SYNE2: variants seen among roughly 807,000 people sequenced by gnomAD.
SYNE2 encodes the protein spectrin repeat containing nuclear envelope protein 2, also known as nesprin-2.
A neutral mutation model predicts 856.3 loss-of-function variants in SYNE2; 431 were observed. That is an observed-to-expected ratio of 0.50 (90% confidence interval 0.47 to 0.55). The LOEUF is 0.55. Ranked by LOEUF, SYNE2 falls within the 20% of genes least tolerant of loss-of-function variation. SYNE2 has a pLI of 0.00. For missense variants in SYNE2, 8,129 were observed against 8,023.2 expected, an observed-to-expected ratio of 1.01 and a Z score of -0.50; for synonymous variants, 2,923 against 2,872.3, an observed-to-expected ratio of 1.02 and a Z score of -0.56.
At chr14:63,940,192 C>G (rs896508962) in intron 2 of SYNE2, among the ~76,000 whole-genome samples, 2 of 151,894 alleles carry the variant, frequency 1.3e-5, no homozygotes, top group Admixed American at 6.6e-5. Flanking sequence ...ATCTTCCCCC[C>G]TCACAGGTTC....
In SYNE2 at chr14:64,017,697, A is replaced by C; in HGVS notation, c.4990A>C (p.Lys1664Gln). Residue 1664 changes from lysine (K) to glutamine (Q), a missense_variant, in exon 34 of 116, where the codon AAG (lysine) becomes CAG (glutamine). Physicochemically the swap from Lys to Gln is moderately conservative, Grantham distance 53. Around this residue, in one of 3 missense-constraint regions of SYNE2, gnomAD observed 2,422 missense variants for 2,357.4 expected, o/e 1.03. Coordinates refer to ENST00000555002, the MANE Select transcript of SYNE2 (RefSeq NM_182914.3). ...LKNVIDEWTE[K>Q]ALQKMELHQL... ...AAATGTCATTGATGAGTGGACAGAAAAGGCCCTTCAAAAAATGGAATTACA... is the reference window on the plus strand; with the variant it reads ...AAATGTCATTGATGAGTGGACAGAACAGGCCCTTCAAAAAATGGAATTACA... 1 of 1,613,834 alleles carries C rather than the reference A, an allele frequency of 6.2e-7. No individual in the cohort carries two copies. The highest frequency in any genetic ancestry group is 1.7e-4 in the Middle Eastern group (1 of 6,056).
upstream of SYNE2, among the ~76,000 whole-genome samples, chr14:63,851,986 G>C (rs1372504053): frequency 2.8e-4 from 10 of 36,114 alleles, no homozygotes; most frequent in African/African-American, 3.8e-4. Flanking sequence ...GGGGGGGGGG[G>C]GGGGGGGAAT....
intron 1 of SYNE2, among the ~76,000 whole-genome samples, chr14:63,815,399 A>G (rs1418664926): frequency 6.6e-6 from 1 of 151,896 alleles, no homozygotes; most frequent in African/African-American, 2.4e-5. Flanking sequence ...GGAAGCATCC[A>G]GCATGAAAGA....
At chr14:63,913,015 C>T (rs2095491336) in intron 2 of SYNE2, among the ~76,000 whole-genome samples, 1 of 152,132 alleles carries the variant, frequency 6.6e-6, no homozygotes, top group Admixed American at 6.5e-5. Flanking sequence ...CTCACTGCAG[C>T]CTCAAACTCC....
intron 1 of SYNE2, among the ~76,000 whole-genome samples, chr14:63,888,540 C>A (rs1377768611): frequency 6.6e-6 from 1 of 152,202 alleles, no homozygotes; most frequent in East Asian, 1.9e-4. Context: ...ATTTGCACAG[C>A]ACAGAGCTAA....
At chr14:63,925,304 G>A (rs995569895) in intron 2 of SYNE2, among the ~76,000 whole-genome samples, 6 of 152,050 alleles carry the variant, frequency 3.9e-5, no homozygotes, top group African/African-American at 7.2e-5. Flanking sequence ...CCTGGGTGAC[G>A]AGTGAGACCC....
At chr14:64,099,172 A>G in intron 63 of SYNE2, 2 of 310,160 alleles carry the variant, frequency 6.4e-6, no homozygotes, top group South Asian at 6.4e-5. Flanking sequence ...CCGCATTTCA[A>G]TTACTCTTTT....
At chr14:63,940,070 A>ATTTTTTTTTTTTTTTTTTTTTTTT (rs10666086) in intron 2 of SYNE2, among the ~76,000 whole-genome samples, 3 of 129,400 alleles carry the variant, frequency 2.3e-5, no homozygotes, top group Non-Finnish European at 4.8e-5. Flanking sequence ...GTCTCAGTTC[A>ATTTTTTTTTTTTTTTTTTTTTTTT]TTTTTTTTTT....
chr14:64,046,948 G>C (rs564847487), intron 45 of SYNE2, among the ~76,000 whole-genome samples: 1 of 152,234 alleles, frequency 6.6e-6, no homozygotes, highest in South Asian at 2.1e-4. Context: ...TAGTTCTGCT[G>C]TCTGCAGATG....
intron 84 of SYNE2, among the ~76,000 whole-genome samples, chr14:64,149,643 A>C (rs2098222003): frequency 6.6e-6 from 1 of 152,220 alleles, no homozygotes; most frequent in African/African-American, 2.4e-5. Context: ...AGCTTCTTAA[A>C]GAAGTATGTT....
chr14:63,958,770 T>TC (rs531542986), intron 8 of SYNE2, among the ~76,000 whole-genome samples: 349 of 108,750 alleles, frequency 3.2e-3, no homozygotes, highest in Non-Finnish European at 5.6e-3. Context: ...TTGTCTGTTC[T>TC]CCCCCATTTA....
rs574917909 is a variant in SYNE2, at chr14:63,919,405, G to A, written c.79+10178G>A. 3.5e-4 allele frequency among the ~76,000 whole-genome samples: 53 copies of A among 152,284 alleles called. 1 individual carries two copies. Among genetic ancestry groups the A allele is most frequent in the African/African-American group, 1.3e-3 (52 of 41,550 alleles). On this transcript the variant is annotated intron_variant, in intron 2 of 115. Transcript: ENST00000555002. The stretch of plus-strand genomic sequence containing the variant: ...GCCTGCAAAGTGCAGCATGGAAGCG[G>A]GTCCAATCTGAGGTAGCAGGGCAAA...
In SYNE2 at chr14:64,081,485, A is replaced by G. The variant is rs1323998717; in HGVS notation, c.11389A>G (p.Thr3797Ala). ...MEEYSDLLKSTEAWIENTSHL... is the reference protein window; with the variant it reads ...MEEYSDLLKSAEAWIENTSHL... ...GGAATATAGTGACCTTCTGAAGAGC[A>G]CTGAGGCTTGGATAGAAAATACCAG... Residue 3797 changes from threonine (T) to alanine (A), a missense_variant, in exon 57 of 116, where the codon ACT (threonine) becomes GCT (alanine). Coordinates refer to ENST00000555002, the MANE Select transcript of SYNE2 (RefSeq NM_182914.3). 1.9e-5 allele frequency: 30 copies of G among 1,614,080 alleles called. No individual in the cohort carries two copies. The highest frequency in any genetic ancestry group is 2.5e-5 in the Non-Finnish European group (29 of 1,180,036).
chr14:63,844,861 A>G (rs1038737669), intron 1 of SYNE2, among the ~76,000 whole-genome samples: 1 of 152,186 alleles, frequency 6.6e-6, no homozygotes, highest in Admixed American at 6.6e-5. Context: ...CCTGAGCAAC[A>G]TAGCAAGACC....
chr14:64,120,538 C>T (rs1238515660), intron 67 of SYNE2, among the ~76,000 whole-genome samples: 1 of 151,882 alleles, frequency 6.6e-6, no homozygotes, highest in Admixed American at 6.6e-5. Context: ...CTGAGGCAGG[C>T]AGATCACCTG....
chr14:63,963,813 C>A, intron 9 of SYNE2, 86 bp from the exon 10 acceptor site: 1 of 825,622 alleles, frequency 1.2e-6, no homozygotes. Context: ...GGCATTATTT[C>A]ACTGATGTTT....
rs1349047899 is a variant in SYNE2 at position 64,130,088 on chromosome 14, A to G, written c.14180A>G (p.Tyr4727Cys). The part of the protein sequence containing the change: ...DSMWGMLRAR[Y>C]TELSSPFVTE... Reference sequence around the variant, plus strand: ...ATGTGGGGAATGCTAAGAGCCAGGTACACAGAACTCAGCAGCCCTTTCGTC... The same window carrying G: ...ATGTGGGGAATGCTAAGAGCCAGGTGCACAGAACTCAGCAGCCCTTTCGTC... The change falls in exon 76 of 116, where the codon TAC (tyrosine) becomes TGC (cysteine). Residue 4727 changes from tyrosine to cysteine, a missense_variant. Tyr to Cys is a radical substitution (Grantham distance 194). Transcript: ENST00000555002. 1.3e-5 allele frequency: 21 copies of G among 1,614,048 alleles called. No individual in the cohort carries two copies. Among genetic ancestry groups the G allele is most frequent in the Non-Finnish European group, 1.8e-5 (21 of 1,180,044 alleles).
intron 96 of SYNE2, among the ~76,000 whole-genome samples, chr14:64,182,477 G>T (rs1400216821): frequency 6.6e-6 from 1 of 152,092 alleles, no homozygotes; most frequent in African/African-American, 2.4e-5. Context: ...GTGGAGGGAA[G>T]GTCAGCAGAT....
chr14:64,051,591 A>G lies in SYNE2; in HGVS notation c.7678A>G (p.Ile2560Val). 1 of 1,613,634 alleles carries G rather than the reference A, an allele frequency of 6.2e-7. No individual in the cohort carries two copies. The highest frequency in any genetic ancestry group is 8.5e-7 in the Non-Finnish European group (1 of 1,179,874). ...PLDSVTYLDK[I>V]KKFIASIEKE... ...GGACAGTGTAACGTATCTGGACAAA[A>G]TTAAAAAATTCATAGCATCCATAGA... is the stretch of plus-strand genomic sequence containing the variant. The change falls in exon 48 of 116, where the codon ATT (isoleucine) becomes GTT (valine). Residue 2560 changes from isoleucine to valine, a missense_variant. By Grantham distance (29) the Ile-to-Val change is conservative (BLOSUM62 3). Coordinates refer to ENST00000555002, the MANE Select transcript of SYNE2 (RefSeq NM_182914.3).
Sources: allele counts gnomAD v4.1 joint callset (sites outside exome capture counted in the v4.1 genomes callset), GRCh38; gene constraint gnomAD v4.1.1; regional missense constraint gnomAD v4.1.1; transcripts MANE v1.5; gene names NCBI Gene and HGNC (gene_info 2026-07-23, HGNC 2026-07-21).